ANTXRL: variants seen among roughly 807,000 people sequenced by gnomAD.
ANTXRL encodes ANTXR like.
In ANTXRL, 63 loss-of-function variants were observed where a neutral mutation model predicts 75.4. The ratio of observed to expected loss-of-function variants is 0.84; its 90% CI spans 0.68 to 1.03. The LOEUF (loss-of-function observed/expected upper bound fraction) is 1.03, where lower values mean the gene tolerates loss of function less well. Among genes scored for constraint, ANTXRL ranks in the 50% least tolerant of loss-of-function variants. The probability of loss-of-function intolerance (pLI) is 0.00; values close to 1 mark genes in which losing one functional copy is unlikely to be tolerated. For missense variants in ANTXRL, 797 were observed against 789.4 expected, an observed-to-expected ratio of 1.01 and a Z score of -0.12; for synonymous variants, 335 against 291.3, an observed-to-expected ratio of 1.15 and a Z score of -1.53.
intron 1 of ANTXRL, among the ~76,000 whole-genome samples, chr10:46,290,284 C>T (rs1344483325): frequency 1.3e-5 from 2 of 152,142 alleles, no homozygotes; most frequent in Non-Finnish European, 2.9e-5. Context: ...CCTCGTGATT[C>T]CCCGGCCTTG....
intron 16 of ANTXRL, among the ~76,000 whole-genome samples, chr10:46,323,480 T>C (rs1049720625): frequency 1.3e-5 from 2 of 152,184 alleles, no homozygotes; most frequent in East Asian, 3.8e-4. Context: ...TTTCATAAGA[T>C]GCTAGATGGC....
At chr10:46,310,819 G>A (rs1838377163) in intron 14 of ANTXRL, among the ~76,000 whole-genome samples, 1 of 152,118 alleles carries the variant, frequency 6.6e-6, no homozygotes, top group African/African-American at 2.4e-5. Context: ...GGACAGAGGC[G>A]CTCTGGAAAA....
intron 1 of ANTXRL, among the ~76,000 whole-genome samples, chr10:46,288,921 A>G (rs1227509658): frequency 6.6e-6 from 1 of 152,290 alleles, no homozygotes; most frequent in East Asian, 1.9e-4. Context: ...GGCTGGGGGT[A>G]AAGGGCATTG....
intron 1 of ANTXRL, among the ~76,000 whole-genome samples, chr10:46,289,255 T>C (rs1282779244): frequency 2.0e-5 from 3 of 152,160 alleles, no homozygotes; most frequent in Non-Finnish European, 4.4e-5. Flanking sequence ...CAGGTGACAT[T>C]TGAGGGCTCT....
chr10:46,310,209 T>A (rs1419519186), intron 13 of ANTXRL, among the ~76,000 whole-genome samples: 2 of 152,050 alleles, frequency 1.3e-5, no homozygotes, highest in African/African-American at 4.8e-5. Flanking sequence ...AGGGACCTGG[T>A]CCCTGGCCTG....
Position 46,305,715 on chromosome 10 carries a change from C to T in ANTXRL, c.896-1088C>T, listed in dbSNP as rs148312765. Reference sequence around the variant, plus strand: ...AGAATGTTCCATGTCTACACATTACCGAACTCTCCTGAGCCCACCACACTC... The same window carrying T: ...AGAATGTTCCATGTCTACACATTACTGAACTCTCCTGAGCCCACCACACTC... On this transcript the variant is annotated intron_variant, in intron 10 of 16. Coordinates refer to ENST00000620264, the MANE Select transcript of ANTXRL (RefSeq NM_001278688.3). Among the ~76,000 whole-genome samples the T allele has an allele frequency of 3.3e-3, 498 of 151,982 alleles. 4 individuals carry two copies. Among genetic ancestry groups the T allele is most frequent in the Non-Finnish European group, 5.0e-3 (338 of 67,958 alleles).
At chr10:46,311,092 G>A (rs1838393657) in intron 14 of ANTXRL, among the ~76,000 whole-genome samples, 1 of 152,224 alleles carries the variant, frequency 6.6e-6, no homozygotes, top group Non-Finnish European at 1.5e-5. Flanking sequence ...GGGGCCATGG[G>A]CAGTGGTGAG....
intron 2 of ANTXRL, among the ~76,000 whole-genome samples, chr10:46,293,338 G>A (rs557452787): frequency 6.9e-4 from 103 of 148,218 alleles, no homozygotes; most frequent in Non-Finnish European, 3.3e-4. Flanking sequence ...GAGTGTGTGC[G>A]TGTGTGCGTG....
intron 16 of ANTXRL, among the ~76,000 whole-genome samples, chr10:46,316,749 C>T (rs111406610): frequency 0.048 from 7,249 of 152,148 alleles, 556 homozygotes; most frequent in African/African-American, 0.16. Flanking sequence ...TTTCATTCAA[C>T]GTCATCTGAA....
rs782164741 is a variant in ANTXRL at position 46,329,974 on chromosome 10, C to G, written c.1786C>G (p.Pro596Ala). ...LTCSSRCRLPPARCLRPPSRM... is the reference protein window; with the variant it reads ...LTCSSRCRLPAARCLRPPSRM... ...CTGCTCCTCCAGGTGCCGCCTCCCC[C>G]CAGCTAGGTGCTTGAGGCCTCCCTC... Residue 596 changes from proline to alanine, a missense_variant, in exon 17 of 17, where the codon CCA (proline) becomes GCA (alanine). Physicochemically the swap from Pro to Ala is conservative, Grantham distance 27. Around this residue, in one of 3 missense-constraint regions of ANTXRL, gnomAD observed 479 missense variants for 422.0 expected, o/e 1.14. Coordinates refer to ENST00000620264, the MANE Select transcript of ANTXRL (RefSeq NM_001278688.3). The G allele has an allele frequency of 1.8e-5, 27 of 1,535,716 alleles. No individual in the cohort carries two copies. Among genetic ancestry groups the G allele is most frequent in the South Asian group, 9.5e-5 (8 of 84,044 alleles).
chr10:46,302,781 G>C lies in ANTXRL; in HGVS notation c.856G>C (p.Val286Leu). The C allele has an allele frequency of 6.5e-7, 1 of 1,536,288 alleles. No individual in the cohort carries two copies. Among genetic ancestry groups the C allele is most frequent in the Middle Eastern group, 1.7e-4 (1 of 5,980 alleles). The part of the protein sequence containing the change: ...GFQNLKKRDE[V>L]ICRFIFNEST... ...TCAGAATCTAAAGAAACGGGATGAAGTTATTTGCAGATTTATCTTCAATGA... is the reference window on the plus strand; with the variant it reads ...TCAGAATCTAAAGAAACGGGATGAACTTATTTGCAGATTTATCTTCAATGA... The change falls in exon 10 of 17, where the codon GTT (valine) becomes CTT (leucine). Residue 286 changes from valine (V) to leucine (L), a missense_variant. Val to Leu is a conservative substitution (Grantham distance 32, BLOSUM62 1). This residue lies in a region of ANTXRL where 56 missense variants were observed against 95.5 expected (regional missense o/e 0.59). Coordinates refer to ENST00000620264, the MANE Select transcript of ANTXRL (RefSeq NM_001278688.3).
chr10:46,306,955 C>G, intron 11 of ANTXRL, 83 bp downstream of exon 11: 3 of 1,129,866 alleles, frequency 2.7e-6, no homozygotes, highest in Non-Finnish European at 3.7e-6. Flanking sequence ...AATGTGGATG[C>G]CCCCCACCCC....
At chr10:46,288,794 A>G (rs1227756519) in intron 1 of ANTXRL, among the ~76,000 whole-genome samples, 1 of 152,186 alleles carries the variant, frequency 6.6e-6, no homozygotes, top group Non-Finnish European at 1.5e-5. Context: ...ACTCACAGGA[A>G]CTGCAGAGGC....
intron 3 of ANTXRL, 29 bp downstream of exon 3, chr10:46,293,929 G>A (rs781763195): frequency 4.7e-5 from 72 of 1,532,386 alleles, no homozygotes; most frequent in Non-Finnish European, 6.1e-5. Context: ...CCCAAAGGGA[G>A]GCCTGATGAG....
At chr10:46,306,683 G>A (rs1554961951) in intron 10 of ANTXRL, 120 bp from the exon 11 acceptor site, 12 of 806,568 alleles carry the variant, frequency 1.5e-5, no homozygotes, top group Non-Finnish European at 2.1e-5. Flanking sequence ...GCAATAGGAA[G>A]GCAGAGCCCA....
intron 16 of ANTXRL, among the ~76,000 whole-genome samples, chr10:46,316,216 C>T (rs7088997): frequency 3.3e-5 from 5 of 151,934 alleles, no homozygotes; most frequent in Non-Finnish European, 4.4e-5. Flanking sequence ...AATTCGTGTG[C>T]GCACCACAGC....
rs554659555 is a variant in ANTXRL, at chr10:46,293,253, G to T, written c.321-576G>T. Among the ~76,000 whole-genome samples, 494 of 127,046 alleles carry T rather than the reference G, an allele frequency of 3.9e-3. 4 individuals are homozygous for T. Among genetic ancestry groups the T allele is most frequent in the African/African-American group, 0.013 (461 of 35,550 alleles). The allele number at this position is 127,046 out of a possible 152,430, so 83.3% of individuals were successfully genotyped here. On this transcript the variant is annotated intron_variant, in intron 2 of 16. Transcript: ENST00000620264. ...GTGAGTGTGTATGCATGTGTGTGGG[G>T]GGGTGTGTATACCTGTGCGTGTGTG...
intron 16 of ANTXRL, among the ~76,000 whole-genome samples, chr10:46,314,086 C>T (rs1554964210): frequency 2.0e-5 from 3 of 152,176 alleles, no homozygotes; most frequent in African/African-American, 7.2e-5. Flanking sequence ...TATAGAGGGA[C>T]CTGCACTGGC....
At chr10:46,310,815 A>G (rs1838376863) in intron 14 of ANTXRL, among the ~76,000 whole-genome samples, 1 of 152,122 alleles carries the variant, frequency 6.6e-6, no homozygotes, top group South Asian at 2.1e-4. Context: ...CTAAGGACAG[A>G]GGCGCTCTGG....
Sources: allele counts gnomAD v4.1 joint callset (sites outside exome capture counted in the v4.1 genomes callset), GRCh38; gene constraint gnomAD v4.1.1; regional missense constraint gnomAD v4.1.1; transcripts MANE v1.5; gene names NCBI Gene and HGNC (gene_info 2026-07-23, HGNC 2026-07-21).